Variants in SMYD2 observed in about 807,000 individuals in gnomAD.
SMYD2 encodes the protein N-lysine methyltransferase SMYD2.
In SMYD2, 53 loss-of-function variants were observed where a neutral mutation model predicts 59.1. The ratio of observed to expected loss-of-function variants is 0.90; its 90% CI spans 0.72 to 1.13. The LOEUF is 1.13. SMYD2 is among the 50% of genes most tolerant of loss of function. SMYD2 has a pLI of 0.00. For missense variants in SMYD2, 494 were observed against 544.7 expected (o/e 0.91, Z 0.93); for synonymous variants, 208 against 198.8 (o/e 1.05, Z -0.39).
At chr1:214,330,576 T>C (rs1657336669) in intron 8 of SMYD2, among the ~76,000 whole-genome samples, 1 of 152,196 alleles carries the variant, frequency 6.6e-6, no homozygotes, top group Admixed American at 6.5e-5. Context: ...ATGAGTATAA[T>C]CTCTAGGCTT....
At chr1:214,325,975 C>T (rs1055089157) in intron 6 of SMYD2, among the ~76,000 whole-genome samples, 1 of 151,796 alleles carries the variant, frequency 6.6e-6, no homozygotes, top group African/African-American at 2.4e-5. Context: ...TGTGGTGGCT[C>T]ACACCTATAA....
In SMYD2 at chr1:214,318,873, G is replaced by T. The variant is rs748560031; in HGVS notation, c.424G>T (p.Asp142Tyr). The T allele has an allele frequency of 6.2e-7, 1 of 1,613,834 alleles. No individual in the cohort carries two copies. Among genetic ancestry groups the T allele is most frequent in the Non-Finnish European group, 8.5e-7 (1 of 1,179,996 alleles). ...TTTATCCACAGATCTGGATAAGTTA[G>T]ACAATGAGAAGAAGGATTTGATTCA... ...KEFESHLDKL[D>Y]NEKKDLIQSD... The change falls in exon 5 of 12, where the codon GAC becomes TAC. Residue 142 changes from aspartate (D) to tyrosine (Y), a missense_variant. Coordinates refer to ENST00000366957, the MANE Select transcript of SMYD2 (RefSeq NM_020197.3). This position sits in a 1 kb window ranked among gnomAD's most constrained non-coding sequence, Gnocchi z 5.4.
chr1:214,285,700 A>T (rs1195351262), intron 1 of SMYD2, among the ~76,000 whole-genome samples: 1 of 140,276 alleles, frequency 7.1e-6, no homozygotes, highest in African/African-American at 2.7e-5. Flanking sequence ...GTTTCCATGT[A>T]CATTAATGCA....
At chr1:214,281,469 C>T (rs769836734) in intron 1 of SMYD2, 42 bp downstream of exon 1, 2 of 1,326,738 alleles carry the variant, frequency 1.5e-6, no homozygotes, top group East Asian at 3.2e-5. Context: ...GAGCCGGGGG[C>T]GCCGAGCGGG....
chr1:214,321,344 T>C (rs906054388), intron 5 of SMYD2, among the ~76,000 whole-genome samples: 1 of 152,220 alleles, frequency 6.6e-6, no homozygotes, highest in African/African-American at 2.4e-5. Context: ...CATTTTGAGA[T>C]TACATGTGAA....
At chr1:214,284,241 AT>A (rs1464971690) in intron 1 of SMYD2, among the ~76,000 whole-genome samples, 3 of 102,664 alleles carry the variant, frequency 2.9e-5, no homozygotes, top group African/African-American at 1.2e-4. Flanking sequence ...ATTTATCACC[AT>A]TTTTTGGTGT....
intron 2 of SMYD2, among the ~76,000 whole-genome samples, chr1:214,307,954 T>C (rs1050359417): frequency 1.8e-4 from 27 of 152,276 alleles, no homozygotes; most frequent in African/African-American, 6.0e-4. Context: ...AATGACACAA[T>C]TACTTGGGGA....
chr1:214,327,512 A>AAATGTCTT, intron 6 of SMYD2, 110 bp from the exon 7 acceptor site: 1 of 879,164 alleles, frequency 1.1e-6, no homozygotes, highest in Non-Finnish European at 1.8e-6. Context: ...GATTTTTAAA[A>AAATGTCTT]AATGTCTTGC....
intron 3 of SMYD2, among the ~76,000 whole-genome samples, chr1:214,316,526 A>G (rs1209144349): frequency 6.6e-6 from 1 of 151,742 alleles, no homozygotes; most frequent in Non-Finnish European, 1.5e-5. Flanking sequence ...AATTTCATCC[A>G]CTTCTCCTGT....
chr1:214,287,517 G>C (rs1656569262), intron 1 of SMYD2, among the ~76,000 whole-genome samples: 1 of 149,470 alleles, frequency 6.7e-6, no homozygotes, highest in South Asian at 2.1e-4. Flanking sequence ...AACCCGGGAG[G>C]TGGAGGTTGT....
intron 1 of SMYD2, 116 bp downstream of exon 1, chr1:214,281,543 G>C: frequency 8.1e-6 from 4 of 493,982 alleles, no homozygotes; most frequent in Non-Finnish European, 1.1e-5. Context: ...GGCCCTTGGG[G>C]CGGGGTGGGG....
chr1:214,294,406 G>T (rs575273114), intron 1 of SMYD2, among the ~76,000 whole-genome samples: 6 of 152,198 alleles, frequency 3.9e-5, no homozygotes, highest in Non-Finnish European at 8.8e-5. Context: ...GGTGGCTTAC[G>T]CCTATATTCC....
At chr1:214,284,576 T>G (rs1368504424) in intron 1 of SMYD2, among the ~76,000 whole-genome samples, 3 of 150,982 alleles carry the variant, frequency 2.0e-5, no homozygotes, top group Non-Finnish European at 4.4e-5. Context: ...ACTTTTTTTT[T>G]TTTTTGAAAC....
chr1:214,301,769 T>TAAAAAAAAAAAAAA (rs56102481), intron 1 of SMYD2, among the ~76,000 whole-genome samples: 1 of 133,374 alleles, frequency 7.5e-6, no homozygotes, highest in African/African-American at 2.9e-5. Flanking sequence ...TCTTTCAAGT[T>TAAAAAAAAAAAAAA]AAAAAAAAAA....
chr1:214,286,749 C>CAA (rs5780769), intron 1 of SMYD2, among the ~76,000 whole-genome samples: 23,035 of 71,794 alleles, frequency 0.32, 3,818 homozygotes, highest in African/African-American at 0.42. Context: ...GCCTCCATCT[C>CAA]AAAAAAAAAA....
At chr1:214,315,392 A>G (rs1411794932) in intron 3 of SMYD2, among the ~76,000 whole-genome samples, 1 of 152,210 alleles carries the variant, frequency 6.6e-6, no homozygotes, top group African/African-American at 2.4e-5. Flanking sequence ...AAAAGTAGAA[A>G]TAGAGGCAAG....
chr1:214,296,202 A>G (rs780680558), intron 1 of SMYD2, among the ~76,000 whole-genome samples: 1 of 152,256 alleles, frequency 6.6e-6, no homozygotes, highest in Non-Finnish European at 1.5e-5. Flanking sequence ...CGCATTAACT[A>G]GCAGGAGTTG....
chr1:214,310,524 A>C (rs1656983002), intron 2 of SMYD2, among the ~76,000 whole-genome samples: 1 of 98,940 alleles, frequency 1.0e-5, no homozygotes, highest in Non-Finnish European at 2.1e-5. Context: ...TTTTTTTTGG[A>C]AAATGAGATC....
At chr1:214,328,113 G>A (rs1359631891) in intron 7 of SMYD2, among the ~76,000 whole-genome samples, 1 of 152,214 alleles carries the variant, frequency 6.6e-6, no homozygotes, top group East Asian at 1.9e-4. Context: ...CTGAGCTTGA[G>A]CCTTATTTTA....
Sources: allele counts gnomAD v4.1 joint callset (sites outside exome capture counted in the v4.1 genomes callset), GRCh38; gene constraint gnomAD v4.1.1; non-coding constraint Gnocchi (gnomAD v3.1); transcripts MANE v1.5; gene names NCBI Gene and HGNC (gene_info 2026-07-23, HGNC 2026-07-21).